Variants in KCTD1 observed in about 807,000 individuals in gnomAD.
KCTD1 encodes BTB/POZ domain-containing protein KCTD1.
KCTD1 carries 24 observed loss-of-function variants against 66.0 expected under a neutral mutation model. The observed-to-expected ratio is 0.36, with a 90% CI of 0.26 to 0.51. KCTD1 has a LOEUF of 0.51. KCTD1 is among the 20% of genes least tolerant of loss of function. KCTD1 has a pLI of 0.95. For missense variants in KCTD1, 943 were observed against 1,205.2 expected (o/e 0.78, Z 3.22); for synonymous variants, 511 against 517.2 (o/e 0.99, Z 0.16).
chr18:26,473,360 G>A (rs1205624663), intron 3 of KCTD1, among the ~76,000 whole-genome samples: 1 of 152,056 alleles, frequency 6.6e-6, no homozygotes, highest in Non-Finnish European at 1.5e-5. Flanking sequence ...GCTGAACAAT[G>A]AGAATACATG....
chr18:26,535,221 T>C (rs1194977116), intron 1 of KCTD1, among the ~76,000 whole-genome samples: 2 of 152,214 alleles, frequency 1.3e-5, no homozygotes, highest in African/African-American at 4.8e-5. Context: ...GTCATTTTTA[T>C]TGGTTCTTTT....
At chr18:26,619,826 C>T (rs1987334209) in intron 1 of KCTD1, among the ~76,000 whole-genome samples, 1 of 152,182 alleles carries the variant, frequency 6.6e-6, no homozygotes, top group Non-Finnish European at 1.5e-5. Context: ...GAGAAGCCAC[C>T]AAATGCATCA....
chr18:26,644,583 C>A (rs1987896558), upstream of KCTD1, among the ~76,000 whole-genome samples: 1 of 151,992 alleles, frequency 6.6e-6, no homozygotes, highest in Non-Finnish European at 1.5e-5. Context: ...AATGGTGAAA[C>A]CCTGTCTCTA....
chr18:26,654,483 C>T (rs755648179), intron 1 of KCTD1, among the ~76,000 whole-genome samples: 2 of 151,990 alleles, frequency 1.3e-5, no homozygotes, highest in African/African-American at 2.4e-5. Context: ...TACTGTGCAC[C>T]CCTACTATGC....
rs141560030 is a variant in KCTD1, at chr18:26,468,157, A to G, written c.2134-8232T>C. On this transcript the variant is annotated intron_variant, in intron 3 of 4. Transcript: ENST00000580059. This position sits in a 1 kb window ranked among gnomAD's most constrained non-coding sequence, Gnocchi z 4.8. ...GTACACGCTCATGTGCAGGGCATAA[A>G]ACAACAATGAGCAAATCAGTAAAAT... Among the ~76,000 whole-genome samples, 1 of 152,244 alleles carries G rather than the reference A, an allele frequency of 6.6e-6. No individual in the cohort carries two copies. The highest frequency in any genetic ancestry group is 2.1e-4 in the South Asian group (1 of 4,836).
chr18:26,593,726 AG>A, intron 1 of KCTD1, among the ~76,000 whole-genome samples: 13 of 92,230 alleles, frequency 1.4e-4, no homozygotes, highest in Non-Finnish European at 2.2e-4. Context: ...AAGGAGGAGG[AG>A]AAAGATGAGG....
At chr18:26,629,224 GC>G in exon 1 of KCTD1, 2 of 985,382 alleles carry the variant, frequency 2.0e-6, no homozygotes, top group Non-Finnish European at 2.4e-6. Flanking sequence ...AGGAGAAAAA[GC>G]TAGTGACGGG....
At chr18:26,604,453 T>C (rs1028728690) in intron 1 of KCTD1, among the ~76,000 whole-genome samples, 1 of 152,204 alleles carries the variant, frequency 6.6e-6, no homozygotes, top group Non-Finnish European at 1.5e-5. Flanking sequence ...TAAAGACACA[T>C]GCACACAAAT....
chr18:26,578,057 C>CTTTTTTTTTTTTTT (rs11381611), intron 1 of KCTD1, among the ~76,000 whole-genome samples: 2 of 117,030 alleles, frequency 1.7e-5, no homozygotes, highest in Non-Finnish European at 3.4e-5. Flanking sequence ...TCTTTTCTTT[C>CTTTTTTTTTTTTTT]TTTTTTTTTT....
At chr18:26,558,050 C>T (rs1423405862) in intron 1 of KCTD1, among the ~76,000 whole-genome samples, 1 of 152,210 alleles carries the variant, frequency 6.6e-6, no homozygotes, top group East Asian at 1.9e-4. Flanking sequence ...TTCTGGAGAG[C>T]TCAGACATCG....
intron 3 of KCTD1, among the ~76,000 whole-genome samples, chr18:26,469,247 T>G (rs141622157): frequency 6.6e-6 from 1 of 151,998 alleles, no homozygotes; most frequent in Non-Finnish European, 1.5e-5. Flanking sequence ...TACTTAGAAT[T>G]GATAAATAGC....
intron 1 of KCTD1, among the ~76,000 whole-genome samples, chr18:26,615,110 T>C (rs564068528): frequency 6.6e-6 from 1 of 152,298 alleles, no homozygotes; most frequent in African/African-American, 2.4e-5. Context: ...CCTCCCCACC[T>C]GGGCAGGGAA....
chr18:26,477,659 C>A (rs1466216185), intron 2 of KCTD1, among the ~76,000 whole-genome samples: 1 of 152,220 alleles, frequency 6.6e-6, no homozygotes, highest in Non-Finnish European at 1.5e-5. Flanking sequence ...AATGATAAAT[C>A]AATAATTTCA....
At chr18:26,656,219 C>G (rs895652322) in intron 1 of KCTD1, among the ~76,000 whole-genome samples, 3 of 152,126 alleles carry the variant, frequency 2.0e-5, no homozygotes, top group Non-Finnish European at 4.4e-5. Flanking sequence ...AGGATGCGGG[C>G]TCCTGACTTG....
At chr18:26,558,441 A>T (rs1301859922) in intron 1 of KCTD1, among the ~76,000 whole-genome samples, 1 of 152,226 alleles carries the variant, frequency 6.6e-6, no homozygotes, top group East Asian at 1.9e-4. Context: ...CAATCCAGCA[A>T]TCCCACTGCT....
At position 26,547,614 on chromosome 18, in the gene KCTD1, T is replaced by C. The variant is rs1985314095; in HGVS notation, c.923A>G (p.Asn308Ser). 1.3e-6 allele frequency: 2 copies of C among 1,551,488 alleles called. No individual in the cohort carries two copies. Among genetic ancestry groups the C allele is most frequent in the Non-Finnish European group, 1.7e-6 (2 of 1,146,864 alleles). Residue 308 changes from asparagine to serine, a missense_variant, in exon 1 of 5, where the codon AAC (asparagine) becomes AGC (serine). By Grantham distance (46) the Asn-to-Ser change is conservative. This residue lies in a region of KCTD1 where 61 missense variants were observed against 109.6 expected (regional missense o/e 0.56). Coordinates refer to ENST00000580059, the MANE Select transcript of KCTD1 (RefSeq NM_001142730.3). ...FSTNTPFGLL[N>S]KVWFETCMYF... ...CATGCACGTCTCGAACCAGACCTTG[T>C]TGAGCAGCCCGAAGGGCGTGTTGGT...
chr18:26,654,303 C>A lies in KCTD1; in HGVS notation c.9+3057G>T, dbSNP rs542970871. 1.1e-4 allele frequency among the ~76,000 whole-genome samples: 17 copies of A among 152,136 alleles called. No homozygotes were observed. The East Asian group carries it at 3.3e-3, about 29-fold the overall frequency. On this transcript the variant is annotated intron_variant, in intron 1 of 4. Transcript: ENST00000580191. ...ATTATTCAACGCAAATCGAATAATA[C>A]GCTTTCATCATCATCTAGTTGAAGT...
chr18:26,578,658 C>A (rs1249639863), intron 1 of KCTD1, among the ~76,000 whole-genome samples: 1 of 152,204 alleles, frequency 6.6e-6, no homozygotes, highest in African/African-American at 2.4e-5. Flanking sequence ...TGGTTTTACA[C>A]ATTTCTTCCC....
At chr18:26,629,643 AGT>A (rs1987574618), upstream of KCTD1, among the ~76,000 whole-genome samples, 2 of 152,148 alleles carry the variant, frequency 1.3e-5, no homozygotes, top group African/African-American at 4.8e-5. Flanking sequence ...GACGAGGCAA[AGT>A]GTTGTGAGAT....
Sources: allele counts gnomAD v4.1 joint callset (sites outside exome capture counted in the v4.1 genomes callset), GRCh38; gene constraint gnomAD v4.1.1; regional missense constraint gnomAD v4.1.1; non-coding constraint Gnocchi (gnomAD v3.1); transcripts MANE v1.5; gene names NCBI Gene and HGNC (gene_info 2026-07-23, HGNC 2026-07-21).